The following YBEY variants were observed in gnomAD, a reference collection of about 807,000 sequenced individuals.
The protein encoded by YBEY is endoribonuclease YbeY.
Under a neutral mutation model 13.5 loss-of-function variants are expected in YBEY, and 15 were observed. That is an observed-to-expected ratio of 1.11 (90% CI 0.75 to 1.72). The LOEUF (loss-of-function observed/expected upper bound fraction) is 1.72, where lower values mean the gene tolerates loss of function less well. Among genes scored for constraint, YBEY ranks in the 40% most tolerant of loss-of-function variants. YBEY has a pLI of 0.00. For synonymous variants in YBEY, 101 were observed against 83.1 expected (o/e 1.21, Z -1.17); for missense variants, 244 against 208.4 (o/e 1.17, Z -1.05).
At chr21:46,301,424 G>A (rs1398027618), downstream of YBEY, 7 of 960,812 alleles carry the variant, frequency 7.3e-6, no homozygotes, top group South Asian at 4.8e-5. Context: ...TGGGATTACA[G>A]GCATGAGCCA....
At chr21:46,301,658 T>C, downstream of YBEY, 1 of 1,110,364 alleles carries the variant, frequency 9.0e-7, no homozygotes. Context: ...CGGCCTCAAC[T>C]TTACCTCCGT....
chr21:46,302,891 G>T, the YBEY span, among the ~76,000 whole-genome samples: 3 of 89,806 alleles, frequency 3.3e-5, no homozygotes, highest in South Asian at 1.6e-3. Flanking sequence ...CACGGTGCGG[G>T]TCCCCGGGGC....
At chr21:46,302,617 T>C (rs1328972586), downstream of YBEY, 5 of 1,490,788 alleles carry the variant, frequency 3.4e-6, no homozygotes, top group East Asian at 1.2e-4. Flanking sequence ...AAAGTTTCCG[T>C]TTTTCCTATT....
At chr21:46,297,808 G>T (rs1337124578), downstream of YBEY, 4 of 1,214,030 alleles carry the variant, frequency 3.3e-6, no homozygotes, top group Non-Finnish European at 4.1e-6. Context: ...CCGTGGCATC[G>T]AGAGGGCGTC....
chr21:46,292,233 G>A (rs1281055670), intron 3 of YBEY: 1 of 152,226 alleles, frequency 6.6e-6, no homozygotes, highest in Non-Finnish European at 1.5e-5. Context: ...TTATTGGGGA[G>A]CAATTGGGGC....
chr21:46,299,299 A>C (rs1170861158), downstream of YBEY, among the ~76,000 whole-genome samples: 2 of 152,104 alleles, frequency 1.3e-5, no homozygotes, highest in African/African-American at 4.8e-5. Context: ...GAATGTGAGC[A>C]AATGCCCTTC....
At chr21:46,313,048 G>T in the YBEY span, 7 of 985,444 alleles carry the variant, frequency 7.1e-6, no homozygotes, top group East Asian at 7.9e-4. Context: ...TCAGTTCACA[G>T]AAAGGACGGC....
intron 4 of YBEY, 26 bp downstream of exon 4, chr21:46,296,256 C>A (rs762847090): frequency 3.1e-6 from 5 of 1,612,302 alleles, no homozygotes; most frequent in South Asian, 2.2e-5. Flanking sequence ...ATCCCACTAC[C>A]GAGGGGGTGC....
intron 3 of YBEY, among the ~76,000 whole-genome samples, chr21:46,295,847 C>T (rs749394480): frequency 6.6e-6 from 1 of 151,698 alleles, no homozygotes; most frequent in Non-Finnish European, 1.5e-5. Context: ...CCCCTCCCCA[C>T]TTCTTCATAT....
chr21:46,301,672 G>T, downstream of YBEY: 1 of 1,130,132 alleles, frequency 8.8e-7, no homozygotes, highest in Non-Finnish European at 1.1e-6. Context: ...CCTCCGTGAT[G>T]GAAGAGGGGG....
the YBEY span, among the ~76,000 whole-genome samples, chr21:46,310,673 G>A: frequency 6.6e-6 from 1 of 151,272 alleles, no homozygotes. Flanking sequence ...GCAAAGCATG[G>A]TGGTGCAGGC....
intron 2 of YBEY, among the ~76,000 whole-genome samples, chr21:46,289,938 T>TCATAGGCTTTGTGCAAGGTTGCAGTTTC (rs2081626519): frequency 2.7e-5 from 4 of 149,852 alleles, no homozygotes; most frequent in Non-Finnish European, 5.9e-5. Flanking sequence ...TGCAGTTTTG[T>TCATAGGCTTTGTGCAAGGTTGCAGTTTC]GTGTGTGTAA....
the YBEY span, among the ~76,000 whole-genome samples, chr21:46,312,380 A>G: frequency 1.3e-5 from 2 of 152,038 alleles, no homozygotes; most frequent in Admixed American, 1.3e-4. Flanking sequence ...GTGCAATGGT[A>G]CAACCTCAGC....
chr21:46,301,085 C>CTT (rs75629316), downstream of YBEY: 1,542 of 804,952 alleles, frequency 1.9e-3, no homozygotes, highest in Non-Finnish European at 2.1e-3. Context: ...AGCACTCTCC[C>CTT]TTTTTTTTTT....
At chr21:46,296,414 A>G (rs1209152138) in intron 4 of YBEY, among the ~76,000 whole-genome samples, 184 bp downstream of exon 4, 1 of 152,144 alleles carries the variant, frequency 6.6e-6, no homozygotes, top group Non-Finnish European at 1.5e-5. Flanking sequence ...TTCCAGCTGA[A>G]TGTGTTCACT....
chr21:46,308,640 C>G, the YBEY span, among the ~76,000 whole-genome samples: 1 of 151,886 alleles, frequency 6.6e-6, no homozygotes, highest in Non-Finnish European at 1.5e-5. Flanking sequence ...GAACTTAATC[C>G]TCAATGTGGC....
the YBEY span, among the ~76,000 whole-genome samples, chr21:46,303,725 ATATATATATATATATATATAT>A: frequency 0.035 from 910 of 26,200 alleles, 44 homozygotes; most frequent in African/African-American, 0.13. Context: ...ATATATATAT[ATATATATATATATATATATAT>A]TTTTTTTTTT....
intron 2 of YBEY, among the ~76,000 whole-genome samples, chr21:46,291,018 GGAAAAAAA>G (rs1251957692): frequency 6.7e-5 from 9 of 134,048 alleles, no homozygotes; most frequent in Non-Finnish European, 1.3e-4. Context: ...CTCTGTCTCA[GGAAAAAAA>G]AAAAAAAAAG....
chr21:46,289,533 C>T (rs1601576792), intron 2 of YBEY, among the ~76,000 whole-genome samples: 2 of 151,384 alleles, frequency 1.3e-5, no homozygotes, highest in African/African-American at 2.4e-5. Flanking sequence ...GCAACCTCCA[C>T]CTCTCAGGTC....
Sources: allele counts gnomAD v4.1 joint callset (sites outside exome capture counted in the v4.1 genomes callset), GRCh38; gene constraint gnomAD v4.1.1; transcripts MANE v1.5; gene names NCBI Gene and HGNC (gene_info 2026-07-23, HGNC 2026-07-21).